Variants in NECTIN3 observed in about 807,000 individuals in gnomAD.
The protein encoded by NECTIN3 is nectin-3.
In NECTIN3, 8 loss-of-function variants were observed where a neutral mutation model predicts 49.4. The observed-to-expected ratio is 0.16, with a 90% CI of 0.10 to 0.29. The LOEUF (loss-of-function observed/expected upper bound fraction) is 0.29, where lower values mean the gene tolerates loss of function less well. Ranked by LOEUF, NECTIN3 falls within the 10% of genes least tolerant of loss-of-function variation. NECTIN3 has a pLI of 1.00. For missense variants in NECTIN3, 581 were observed against 654.6 expected (o/e 0.89, Z 1.23); for synonymous variants, 277 against 241.1 (o/e 1.15, Z -1.38).
intron 7 of NECTIN3, among the ~76,000 whole-genome samples, chr3:111,173,660 T>C (rs1394453383): frequency 6.6e-6 from 1 of 152,224 alleles, no homozygotes; most frequent in Non-Finnish European, 1.5e-5. Flanking sequence ...CTGGGTAGAA[T>C]ATGATCCTCC....
At chr3:111,080,704 A>G (rs902365752) in intron 1 of NECTIN3, among the ~76,000 whole-genome samples, 2 of 149,784 alleles carry the variant, frequency 1.3e-5, no homozygotes, top group Non-Finnish European at 3.0e-5. Flanking sequence ...GGACTTAGAG[A>G]TTTGAACAAG....
At chr3:111,072,615 C>G in intron 1 of NECTIN3, 1 of 1,516,320 alleles carries the variant, frequency 6.6e-7, no homozygotes, top group Non-Finnish European at 8.9e-7. Context: ...AATGAAGCCT[C>G]CGGGTCCACT....
chr3:111,144,112 C>T (rs556003740), intron 5 of NECTIN3, among the ~76,000 whole-genome samples: 98 of 152,094 alleles, frequency 6.4e-4, no homozygotes, highest in Non-Finnish European at 1.3e-3. Context: ...AGTACATTCC[C>T]TTATTTGGGA....
At chr3:111,125,134 T>C (rs903589115) in intron 4 of NECTIN3, among the ~76,000 whole-genome samples, 1 of 150,792 alleles carries the variant, frequency 6.6e-6, no homozygotes, top group Admixed American at 6.6e-5. Flanking sequence ...GTTCAAGTGA[T>C]TCTCCTGCCT....
intron 1 of NECTIN3, among the ~76,000 whole-genome samples, chr3:111,105,907 T>C (rs2033161014): frequency 1.3e-5 from 2 of 152,130 alleles, no homozygotes; most frequent in African/African-American, 2.4e-5. Context: ...GTCGTCTCTA[T>C]TCTGTTTCAA....
intron 1 of NECTIN3, among the ~76,000 whole-genome samples, chr3:111,095,366 A>G (rs184651571): frequency 4.1e-4 from 62 of 152,320 alleles, no homozygotes; most frequent in African/African-American, 1.5e-3. Context: ...TTTGCTGTTG[A>G]GATACTTAAT....
intron 7 of NECTIN3, among the ~76,000 whole-genome samples, chr3:111,171,213 T>C (rs1021676323): frequency 3.3e-5 from 5 of 152,180 alleles, no homozygotes; most frequent in Non-Finnish European, 5.9e-5. Context: ...GAGGTAGAAT[T>C]AGAACCTGTG....
chr3:111,110,153 T>C (rs1432429693), intron 1 of NECTIN3, among the ~76,000 whole-genome samples: 1 of 151,996 alleles, frequency 6.6e-6, no homozygotes, highest in African/African-American at 2.4e-5. Flanking sequence ...AAATAATAAT[T>C]ATTTCTTTTC....
intron 7 of NECTIN3, among the ~76,000 whole-genome samples, chr3:111,167,825 C>T (rs1576175393): frequency 6.6e-6 from 1 of 152,116 alleles, no homozygotes. Flanking sequence ...AAAAATCCCC[C>T]TTTTCACAAC....
intron 7 of NECTIN3, among the ~76,000 whole-genome samples, chr3:111,167,843 T>C (rs949535886): frequency 1.3e-5 from 2 of 152,156 alleles, no homozygotes; most frequent in African/African-American, 4.8e-5. Context: ...AACAAAAAGA[T>C]TAGGACAGCA....
chr3:111,156,792 C>G (rs1186434574), intron 7 of NECTIN3, among the ~76,000 whole-genome samples: 2 of 152,266 alleles, frequency 1.3e-5, no homozygotes, highest in Admixed American at 1.3e-4. Flanking sequence ...GACATGTTTT[C>G]ACCACTGGCT....
intron 7 of NECTIN3, among the ~76,000 whole-genome samples, chr3:111,159,040 C>A (rs2035155363): frequency 6.6e-6 from 1 of 152,190 alleles, no homozygotes. Flanking sequence ...TGCCACTGCA[C>A]ATCCATTAGA....
chr3:111,103,324 G>T (rs1576103348), intron 1 of NECTIN3, among the ~76,000 whole-genome samples: 1 of 152,084 alleles, frequency 6.6e-6, no homozygotes, highest in East Asian at 1.9e-4. Flanking sequence ...ATAGTTTTCT[G>T]CATATAGATC....
Position 111,094,133 on chromosome 3 carries a change from C to T in NECTIN3, c.161-17897C>T, listed in dbSNP as rs550292068. 2.4e-3 allele frequency among the ~76,000 whole-genome samples: 365 copies of T among 151,670 alleles called. 1 individual carries two copies. Among genetic ancestry groups the T allele is most frequent in the African/African-American group, 8.3e-3 (344 of 41,390 alleles). On this transcript the variant is annotated intron_variant, in intron 1 of 5. Transcript: ENST00000485303. ...ATAATTTTTATTTTATATATATTGA[C>T]TTATTTTATATTTACTATACTTTTA... is the stretch of plus-strand genomic sequence containing the variant.
In NECTIN3 at chr3:111,118,686, C is replaced by G. The variant is rs564972526; in HGVS notation, c.533C>G (p.Pro178Arg). Residue 178 changes from proline to arginine, a missense_variant, in exon 3 of 6, where the codon CCA (proline) becomes CGA (arginine). By Grantham distance (103) the Pro-to-Arg change is moderately radical. This residue lies in a region of NECTIN3 where 234 missense variants were observed against 340.6 expected (regional missense o/e 0.69). Coordinates refer to ENST00000485303, the MANE Select transcript of NECTIN3 (RefSeq NM_015480.3). ...CCCACTGTGAGCCTGATAAAAGGGCCAGATTCTTTAATTGATGGAGGAAAT... is the reference window on the plus strand; with the variant it reads ...CCCACTGTGAGCCTGATAAAAGGGCGAGATTCTTTAATTGATGGAGGAAAT... ...VEPTVSLIKG[P>R]DSLIDGGNET... The G allele has an allele frequency of 6.2e-7, 1 of 1,609,642 alleles. No individual in the cohort carries two copies. The highest frequency in any genetic ancestry group is 2.2e-5 in the East Asian group (1 of 44,640).
intron 7 of NECTIN3, among the ~76,000 whole-genome samples, chr3:111,175,658 TCTC>T (rs1398888573): frequency 6.6e-6 from 1 of 152,090 alleles, no homozygotes; most frequent in Admixed American, 6.6e-5. Flanking sequence ...GAACCACAAT[TCTC>T]ATCAGATTTC....
At chr3:111,161,296 C>A (rs979497507) in intron 7 of NECTIN3, among the ~76,000 whole-genome samples, 1 of 152,274 alleles carries the variant, frequency 6.6e-6, no homozygotes, top group African/African-American at 2.4e-5. Context: ...TGCCACTTGG[C>A]CTTTGTCACC....
intron 1 of NECTIN3, among the ~76,000 whole-genome samples, chr3:111,079,019 G>A (rs1216374047): frequency 6.6e-6 from 1 of 152,074 alleles, no homozygotes; most frequent in Non-Finnish European, 1.5e-5. Flanking sequence ...AAACTGTGCA[G>A]GGCTAGGACT....
intron 1 of NECTIN3, among the ~76,000 whole-genome samples, chr3:111,078,006 A>G (rs975542238): frequency 6.6e-6 from 1 of 152,188 alleles, no homozygotes; most frequent in Non-Finnish European, 1.5e-5. Context: ...TCAGCATGCA[A>G]TTGTTATTAA....
Sources: allele counts gnomAD v4.1 joint callset (sites outside exome capture counted in the v4.1 genomes callset), GRCh38; gene constraint gnomAD v4.1.1; regional missense constraint gnomAD v4.1.1; transcripts MANE v1.5; gene names NCBI Gene and HGNC (gene_info 2026-07-23, HGNC 2026-07-21).